MTMR14: variants seen among roughly 807,000 people sequenced by gnomAD.
MTMR14 encodes the protein myotubularin related protein 14.
A neutral mutation model predicts 86.3 loss-of-function variants in MTMR14; 48 were observed. That is an observed-to-expected ratio of 0.56 (90% CI 0.44 to 0.71). MTMR14 has a LOEUF of 0.71. Among genes scored for constraint, MTMR14 ranks in the 30% least tolerant of loss-of-function variants. The pLI is 0.00. For synonymous variants in MTMR14, 366 were observed against 326.1 expected, an observed-to-expected ratio of 1.12 and a Z score of -1.32; for missense variants, 780 against 834.6, an observed-to-expected ratio of 0.93 and a Z score of 0.81.
rs763721491 is a variant in MTMR14, at chr3:9,662,371, G to A, written c.413G>A (p.Gly138Asp). ...RFVCPVILFKGKHICRSATLA... is the reference protein window; with the variant it reads ...RFVCPVILFKDKHICRSATLA... ...GTCTGCCCAGTAATCCTGTTCAAGG[G>A]CAAGGTAAGGCCCATACCATAGCTT... Residue 138 changes from glycine to aspartate, a missense_variant, in exon 3 of 19, where the codon GGC (glycine) becomes GAC (aspartate). Physicochemically the swap from Gly to Asp is moderately conservative, Grantham distance 94. Transcript: ENST00000296003. 1.9e-6 allele frequency: 3 copies of A among 1,612,716 alleles called. No individual in the cohort carries two copies. The highest frequency in any genetic ancestry group is 2.7e-5 in the African/African-American group (2 of 74,746).
In MTMR14 at chr3:9,701,053, C is replaced by A. The variant is rs1424810284; in HGVS notation, c.1770-737C>A. The A allele has an allele frequency of 6.6e-6, 1 of 152,374 alleles. No individual in the cohort carries two copies. Among genetic ancestry groups the A allele is most frequent in the Non-Finnish European group, 1.5e-5 (1 of 68,214 alleles). 9.4% of individuals were successfully genotyped at this position (152,374 alleles called of 1,614,324 possible). Reference sequence around the variant, plus strand: ...AAGCTAGTCTCGAACTCCTGACCTGCCTCGGCCTCCCAAAGTGCTGGGATT... The same window carrying A: ...AAGCTAGTCTCGAACTCCTGACCTGACTCGGCCTCCCAAAGTGCTGGGATT... On this transcript the variant is annotated intron_variant, in intron 18 of 18. Transcript: ENST00000296003. This position sits in a 1 kb window ranked among gnomAD's most constrained non-coding sequence, Gnocchi z 4.2.
chr3:9,670,935 C>A, intron 5 of MTMR14, 113 bp from the exon 6 acceptor site: 1 of 1,402,178 alleles, frequency 7.1e-7, no homozygotes, highest in Non-Finnish European at 1.0e-6. Context: ...ACCTAGCACA[C>A]GCCCCAGCTT....
Position 9,692,754 on chromosome 3 carries a change from TA to T in MTMR14, c.1613+2612del, listed in dbSNP as rs1354814906. On this transcript the variant is annotated intron_variant, in intron 17 of 18. Coordinates refer to ENST00000296003, the MANE Select transcript of MTMR14 (RefSeq NM_001077525.3). ...AGGGATGCCCAGCAGCCTGGTTGAA[TA>T]GCTGAGTAGCAACACAGGGACCAAC... is the stretch of plus-strand genomic sequence containing the variant. 3.3e-5 allele frequency among the ~76,000 whole-genome samples: 5 copies of T among 152,200 alleles called. 1 individual carries two copies. Among genetic ancestry groups the T allele is most frequent in the Admixed American group, 2.0e-4 (3 of 15,270 alleles).
chr3:9,671,624 T>TACAGCTTCCCAAAGTGCTGGGATC (rs1341326470), intron 6 of MTMR14, among the ~76,000 whole-genome samples: 2 of 152,160 alleles, frequency 1.3e-5, no homozygotes, highest in African/African-American at 4.8e-5. Flanking sequence ...GTGCTGGGAT[T>TACAGCTTCCCAAAGTGCTGGGATC]ACAAGAATGA....
intron 18 of MTMR14, among the ~76,000 whole-genome samples, chr3:9,699,276 C>T (rs905806414): frequency 2.0e-5 from 3 of 152,078 alleles, no homozygotes; most frequent in Non-Finnish European, 4.4e-5. Flanking sequence ...TGCTTGATAG[C>T]ACTCCTCACT....
At chr3:9,662,027 G>A (rs1415406317) in intron 2 of MTMR14, among the ~76,000 whole-genome samples, 1 of 151,946 alleles carries the variant, frequency 6.6e-6, no homozygotes, top group Non-Finnish European at 1.5e-5. Context: ...GGCAGAGGCT[G>A]TGGTGAGCCA....
chr3:9,700,383 T>C (rs1035464479), intron 18 of MTMR14: 5 of 152,184 alleles, frequency 3.3e-5, no homozygotes, highest in Admixed American at 2.0e-4. Context: ...CAGGGACCCA[T>C]TGGGGGAACA....
intron 17 of MTMR14, among the ~76,000 whole-genome samples, chr3:9,696,901 C>G (rs1177006640): frequency 1.3e-5 from 2 of 152,248 alleles, no homozygotes; most frequent in African/African-American, 4.8e-5. Context: ...TTTGATGTCT[C>G]CCTATTGCCT....
chr3:9,665,231 G>A (rs914871450), intron 3 of MTMR14, among the ~76,000 whole-genome samples: 5 of 148,122 alleles, frequency 3.4e-5, no homozygotes, highest in Admixed American at 1.4e-4. Context: ...GCAGTGAGCC[G>A]AGATCGTGCC....
At chr3:9,682,017 A>C (rs562987605) in intron 9 of MTMR14, among the ~76,000 whole-genome samples, 4 of 152,312 alleles carry the variant, frequency 2.6e-5, no homozygotes, top group South Asian at 2.1e-4. Context: ...CGGCTGCTGC[A>C]GTCTTCCCCT....
intron 17 of MTMR14, 49 bp downstream of exon 17, chr3:9,690,192 TTAA>T (rs1331071134): frequency 6.2e-7 from 1 of 1,600,210 alleles, no homozygotes. Flanking sequence ...GCTTTCCCCC[TTAA>T]TAAGACTGGA....
chr3:9,666,351 T>A (rs575485123), intron 3 of MTMR14, among the ~76,000 whole-genome samples: 1 of 151,962 alleles, frequency 6.6e-6, no homozygotes, highest in East Asian at 1.9e-4. Flanking sequence ...CAAGCTGGTG[T>A]CAGACTCCTG....
At chr3:9,695,428 ATGC>A (rs1255194401) in intron 17 of MTMR14, among the ~76,000 whole-genome samples, 1 of 152,102 alleles carries the variant, frequency 6.6e-6, no homozygotes, top group Non-Finnish European at 1.5e-5. Context: ...TTGCTGAGAG[ATGC>A]TTCTGTCCCC....
intron 13 of MTMR14, among the ~76,000 whole-genome samples, chr3:9,687,144 A>G (rs1004927035): frequency 1.3e-5 from 2 of 152,136 alleles, no homozygotes; most frequent in Admixed American, 6.5e-5. Context: ...TCCCGCAGCT[A>G]TCCTTCCCTG....
At chr3:9,662,689 C>T (rs914233123) in intron 3 of MTMR14, among the ~76,000 whole-genome samples, 5 of 152,134 alleles carry the variant, frequency 3.3e-5, no homozygotes, top group African/African-American at 1.2e-4. Flanking sequence ...TAATAATCAC[C>T]TATTTCAAAG....
At chr3:9,679,943 C>T (rs1172279518) in intron 9 of MTMR14, among the ~76,000 whole-genome samples, 1 of 152,158 alleles carries the variant, frequency 6.6e-6, no homozygotes, top group Non-Finnish European at 1.5e-5. Flanking sequence ...GGGCTCCTAG[C>T]ATGCTCTTCC....
rs369158780 is a variant in MTMR14 at position 9,689,174 on chromosome 3, A to G, written c.1433+92A>G. The G allele has an allele frequency of 9.5e-5, 149 of 1,565,054 alleles. 1 individual carries two copies. The East Asian group carries it at 9.6e-4, about 10-fold the overall frequency. ...CAGGCTGGAGCCCCAAGAACAAAGCAGGCCCCCAAGAGAAGAGCTGAGAGG... is the reference window on the plus strand; with the variant it reads ...CAGGCTGGAGCCCCAAGAACAAAGCGGGCCCCCAAGAGAAGAGCTGAGAGG... On this transcript the variant is annotated intron_variant, in intron 16 of 18. Transcript: ENST00000296003.
chr3:9,665,456 G>C (rs977813829), intron 3 of MTMR14, among the ~76,000 whole-genome samples: 2 of 152,136 alleles, frequency 1.3e-5, no homozygotes, highest in Admixed American at 1.3e-4. Context: ...AACAATAGAC[G>C]TCAGGGACTT....
At chr3:9,670,630 C>T (rs2048515774) in intron 5 of MTMR14, among the ~76,000 whole-genome samples, 1 of 150,880 alleles carries the variant, frequency 6.6e-6, no homozygotes, top group Non-Finnish European at 1.5e-5. Flanking sequence ...ACATTATGAG[C>T]AAGTCATGTG....
Sources: gnomAD v4.1 joint callset for allele counts (sites outside exome capture counted in the v4.1 genomes callset) on GRCh38, gnomAD v4.1.1 for gene constraint, Gnocchi (gnomAD v3.1) non-coding constraint, MANE v1.5 for transcripts, NCBI Gene and HGNC (gene_info 2026-07-23, HGNC 2026-07-21) for gene names.